The following RUFY2 variants were observed in gnomAD, a reference collection of about 807,000 sequenced individuals.
RUFY2 encodes the protein RUN and FYVE domain containing 2.
A neutral mutation model predicts 94.4 loss-of-function variants in RUFY2; 49 were observed. The observed-to-expected ratio is 0.52, with a 90% CI of 0.41 to 0.66. RUFY2 has a LOEUF of 0.66. Among genes scored for constraint, RUFY2 ranks in the 30% least tolerant of loss-of-function variants. The pLI, the probability that RUFY2 is intolerant of heterozygous loss-of-function variation, is 0.00. For missense variants in RUFY2, 541 were observed against 692.8 expected (o/e 0.78, Z 2.46); for synonymous variants, 255 against 235.7 (o/e 1.08, Z -0.75).
chr10:68,353,583 C>T (rs944978580), intron 16 of RUFY2, among the ~76,000 whole-genome samples: 4 of 151,618 alleles, frequency 2.6e-5, no homozygotes, highest in Admixed American at 6.6e-5. Flanking sequence ...GAGGACTGCC[C>T]GAGGACAGGT....
At chr10:68,387,820 T>C (rs999553721) in intron 7 of RUFY2, among the ~76,000 whole-genome samples, 3 of 150,870 alleles carry the variant, frequency 2.0e-5, no homozygotes, top group Admixed American at 6.7e-5. Context: ...CTGGCCAACA[T>C]GGTGAAACCC....
At chr10:68,347,745 A>C (rs1036933912) in intron 16 of RUFY2, among the ~76,000 whole-genome samples, 7 of 152,204 alleles carry the variant, frequency 4.6e-5, no homozygotes, top group African/African-American at 1.7e-4. Flanking sequence ...ACATGTTCCT[A>C]AAACAGCCCA....
intron 6 of RUFY2, 199 bp downstream of exon 6, chr10:68,393,876 A>T (rs948866960): frequency 1.7e-6 from 2 of 1,209,290 alleles, no homozygotes; most frequent in Non-Finnish European, 2.2e-6. Flanking sequence ...ACTTCATACT[A>T]TTAATAAAAC....
At chr10:68,388,392 G>T (rs1193133701) in intron 7 of RUFY2, among the ~76,000 whole-genome samples, 2 of 152,144 alleles carry the variant, frequency 1.3e-5, no homozygotes, top group Non-Finnish European at 2.9e-5. Flanking sequence ...GAACCTGGGA[G>T]GTGGAGGTTG....
chr10:68,386,229 C>A (rs575200585), intron 7 of RUFY2, 101 bp from the exon 8 acceptor site: 17 of 813,986 alleles, frequency 2.1e-5, no homozygotes, highest in African/African-American at 1.9e-4. Flanking sequence ...TGACAGGCAC[C>A]AACTGCCCTG....
intron 2 of RUFY2, among the ~76,000 whole-genome samples, chr10:68,403,345 A>G (rs1023315803): frequency 1.3e-5 from 2 of 151,984 alleles, no homozygotes; most frequent in Non-Finnish European, 2.9e-5. Context: ...TCCGCCTCCC[A>G]GGTTCAAACA....
chr10:68,359,311 C>T (rs1431123809), intron 15 of RUFY2, among the ~76,000 whole-genome samples: 3 of 126,026 alleles, frequency 2.4e-5, no homozygotes, highest in Admixed American at 8.3e-5. Context: ...TACATATATA[C>T]GTATATATAC....
At chr10:68,349,180 T>C (rs1252408919) in intron 16 of RUFY2, among the ~76,000 whole-genome samples, 1 of 152,122 alleles carries the variant, frequency 6.6e-6, no homozygotes, top group African/African-American at 2.4e-5. Context: ...GTGCCTTTTA[T>C]TGAAATTGGG....
In RUFY2 at chr10:68,387,314, G is replaced by A. The variant is rs139808813; in HGVS notation, c.651-1186C>T. Among the ~76,000 whole-genome samples the A allele has an allele frequency of 8.1e-3, 1,236 of 151,970 alleles. 28 individuals are homozygous for A. Among genetic ancestry groups the A allele is most frequent in the African/African-American group, 0.028 (1,160 of 41,424 alleles). On this transcript the variant is annotated intron_variant, in intron 7 of 17. Transcript: ENST00000602465. ...AGAGGTTGCAGTGAGCCGAGATTGC[G>A]CCACTGTACTCCAGCCTGGGCAACA...
chr10:68,353,662 G>C (rs1464432266), intron 16 of RUFY2, among the ~76,000 whole-genome samples: 1 of 151,972 alleles, frequency 6.6e-6, no homozygotes, highest in Non-Finnish European at 1.5e-5. Flanking sequence ...AGCCAGGCAA[G>C]GTGGCACGCA....
In RUFY2 at chr10:68,398,423, G is replaced by A. The variant is rs764766535; in HGVS notation, c.297-1542C>T. On this transcript the variant is annotated intron_variant, in intron 3 of 17. Transcript: ENST00000602465. ...TCCCAGCACTTTGGGAGGCCAAGGCGGGTGGATCACTTGAGGTCAGGAGTT... is the reference window on the plus strand; with the variant it reads ...TCCCAGCACTTTGGGAGGCCAAGGCAGGTGGATCACTTGAGGTCAGGAGTT... Among the ~76,000 whole-genome samples, 4 of 152,110 alleles carry A rather than the reference G, an allele frequency of 2.6e-5. No individual in the cohort carries two copies. The East Asian group carries it at 7.7e-4, about 29-fold the overall frequency.
At chr10:68,376,489 T>TATATATATATATATATTC (rs58358117) in intron 13 of RUFY2, among the ~76,000 whole-genome samples, 589 of 51,802 alleles carry the variant, frequency 0.011, 209 homozygotes, top group Non-Finnish European at 0.017. Context: ...TATATATATA[T>TATATATATATATATATTC]ATTCTCAGAA....
intron 7 of RUFY2, among the ~76,000 whole-genome samples, chr10:68,386,419 G>T (rs918591019): frequency 6.6e-6 from 1 of 152,036 alleles, no homozygotes; most frequent in Non-Finnish European, 1.5e-5. Context: ...GCACGATCTC[G>T]GCTCACTGCA....
chr10:68,382,606 C>T (rs1193503123), intron 10 of RUFY2, among the ~76,000 whole-genome samples: 4 of 149,536 alleles, frequency 2.7e-5, no homozygotes. Context: ...CCCAGCTACT[C>T]GGGAGGCTGA....
At chr10:68,353,241 G>C (rs1250743706) in intron 16 of RUFY2, among the ~76,000 whole-genome samples, 3 of 151,144 alleles carry the variant, frequency 2.0e-5, no homozygotes, top group African/African-American at 7.3e-5. Flanking sequence ...TGAAGCAGGA[G>C]AATCTCTTGA....
At chr10:68,406,166 G>GAAC (rs201975911) in intron 1 of RUFY2, among the ~76,000 whole-genome samples, 51 of 150,778 alleles carry the variant, frequency 3.4e-4, no homozygotes, top group South Asian at 3.3e-3. Context: ...TTCCTTCACT[G>GAAC]AACAACAACA....
At chr10:68,392,613 A>T (rs932285143) in intron 7 of RUFY2, among the ~76,000 whole-genome samples, 1 of 151,980 alleles carries the variant, frequency 6.6e-6, no homozygotes, top group Non-Finnish European at 1.5e-5. Flanking sequence ...AATCTGATGA[A>T]GATTCTGTAT....
At chr10:68,391,840 T>C (rs1435506136) in intron 7 of RUFY2, among the ~76,000 whole-genome samples, 1 of 150,612 alleles carries the variant, frequency 6.6e-6, no homozygotes, top group African/African-American at 2.4e-5. Context: ...TGGGCACCTG[T>C]AATCCCAGCT....
At position 68,381,389 on chromosome 10, in the gene RUFY2, T is replaced by C; in HGVS notation, c.950A>G (p.Asn317Ser). The C allele has an allele frequency of 6.2e-7, 1 of 1,610,706 alleles. No homozygotes were observed. Among genetic ancestry groups the C allele is most frequent in the Non-Finnish European group, 8.5e-7 (1 of 1,179,080 alleles). Residue 317 changes from asparagine (N) to serine (S), a missense_variant, in exon 11 of 18, where the codon AAT becomes AGT. By Grantham distance (46) the Asn-to-Ser change is conservative. Coordinates refer to ENST00000602465, the MANE Select transcript of RUFY2 (RefSeq NM_001330103.2). Reference sequence around the variant, plus strand: ...CATACTAACTTGTACTGCTAGCTCATTCTCTACATCCTGCAATTTCAATGT... The same window carrying C: ...CATACTAACTTGTACTGCTAGCTCACTCTCTACATCCTGCAATTTCAATGT... ...DESQLRQDVE[N>S]ELAVQVSMKH... is the part of the protein sequence containing the mutation.
Sources: allele counts gnomAD v4.1 joint callset (sites outside exome capture counted in the v4.1 genomes callset), GRCh38; gene constraint gnomAD v4.1.1; transcripts MANE v1.5; gene names NCBI Gene and HGNC (gene_info 2026-07-23, HGNC 2026-07-21).